The following DMD variants were observed in gnomAD, a reference collection of about 807,000 sequenced individuals.
DMD encodes dystrophin, also known as mutant dystrophin.
DMD carries 63 observed loss-of-function variants against 330.1 expected under a neutral mutation model. The ratio of observed to expected loss-of-function variants is 0.19; its 90% confidence interval spans 0.16 to 0.24. The LOEUF is 0.24. Among genes scored for constraint, DMD ranks in the 10% least tolerant of loss-of-function variants. The pLI, the probability that DMD is intolerant of heterozygous loss-of-function variation, is 1.00. For synonymous variants in DMD, 1,223 were observed against 959.8 expected (o/e 1.27, Z -5.07); for missense variants, 3,344 against 2,684.1 (o/e 1.25, Z -5.43).
At chrX:31,695,367 C>T (rs1487584875) in intron 52 of DMD, among the ~76,000 whole-genome samples, 1 of 110,142 alleles carries the variant, frequency 9.1e-6, no homozygotes, top group Non-Finnish European at 1.9e-5. Flanking sequence ...GATAGTGCAA[C>T]AGGGGGACTA....
intron 60 of DMD, among the ~76,000 whole-genome samples, chrX:31,380,083 G>A (rs2060087873): frequency 1.8e-5 from 2 of 110,550 alleles, no homozygotes; most frequent in Middle Eastern, 4.6e-3. Flanking sequence ...CAATACGGAG[G>A]CTACCCACTC....
chrX:31,309,611 T>C (rs951599372), intron 62 of DMD, among the ~76,000 whole-genome samples: 3 of 111,991 alleles, frequency 2.7e-5, no homozygotes, highest in Admixed American at 9.5e-5. Flanking sequence ...CAGATTCTTA[T>C]CTAGTACCAA....
At chrX:33,060,363 G>A (rs6631731) in intron 1 of DMD, among the ~76,000 whole-genome samples, 25,777 of 110,175 alleles carry the variant, frequency 0.23, 2,582 homozygotes, top group East Asian at 0.69. Flanking sequence ...GTGTTTTCTG[G>A]CTAAACTGAT....
chrX:32,713,408 G>A (rs962576627), intron 7 of DMD, among the ~76,000 whole-genome samples: 1 of 111,275 alleles, frequency 9.0e-6, no homozygotes, highest in Non-Finnish European at 1.9e-5. Context: ...GAGGGAAAGA[G>A]AAAGCTGGGG....
chrX:32,623,576 C>T (rs2058142824), intron 11 of DMD, among the ~76,000 whole-genome samples: 1 of 103,287 alleles, frequency 9.7e-6, no homozygotes, highest in Non-Finnish European at 2.0e-5. Context: ...TACCCAGGCT[C>T]GAGTACAGTG....
At chrX:31,649,555 T>C (rs1203968758) in intron 54 of DMD, among the ~76,000 whole-genome samples, 2 of 110,942 alleles carry the variant, frequency 1.8e-5, no homozygotes, top group Non-Finnish European at 3.8e-5. Context: ...ATAGATGTTA[T>C]ATTACCCTAC....
intron 55 of DMD, 86 bp from the exon 56 acceptor site, chrX:31,507,539 T>G (rs2071075080): frequency 2.3e-6 from 2 of 875,318 alleles, no homozygotes; most frequent in Non-Finnish European, 3.2e-6. Context: ...AATTGCAAAA[T>G]ATAAATAATT....
At chrX:32,095,198 C>T (rs1037201252) in intron 44 of DMD, among the ~76,000 whole-genome samples, 29 of 111,388 alleles carry the variant, frequency 2.6e-4, no homozygotes, top group African/African-American at 9.1e-4. Context: ...TTTGAATCAT[C>T]GTCCACTGCC....
intron 30 of DMD, among the ~76,000 whole-genome samples, chrX:32,398,544 T>C (rs1262044075): frequency 9.0e-6 from 1 of 111,175 alleles, no homozygotes; most frequent in Non-Finnish European, 1.9e-5. Flanking sequence ...AAGTAAAGCA[T>C]ATAAATTTTT....
intron 45 of DMD, among the ~76,000 whole-genome samples, chrX:31,963,100 G>C (rs1250612664): frequency 1.8e-5 from 2 of 111,890 alleles, no homozygotes. Flanking sequence ...GTCTTACAAG[G>C]AAGCGCATAG....
chrX:32,406,331 AG>A (rs763181354), intron 30 of DMD, among the ~76,000 whole-genome samples: 70 of 111,457 alleles, frequency 6.3e-4, no homozygotes, highest in African/African-American at 2.3e-3. Flanking sequence ...GTCTTGTGCC[AG>A]TTTTCAAAGG....
chrX:32,937,645 C>T (rs2090112144), intron 2 of DMD, among the ~76,000 whole-genome samples: 1 of 107,299 alleles, frequency 9.3e-6, no homozygotes, highest in Non-Finnish European at 1.9e-5. Flanking sequence ...GATGAGTAGA[C>T]GAATGGAGGT....
At chrX:31,802,950 G>C (rs190479594) in intron 50 of DMD, among the ~76,000 whole-genome samples, 72 of 111,806 alleles carry the variant, frequency 6.4e-4, no homozygotes, top group African/African-American at 2.3e-3. Context: ...GTGAGACAGA[G>C]GGGGAGGAAA....
At position 31,751,023 on chromosome X, in the gene DMD, C is replaced by T. The variant is rs745671677; in HGVS notation, c.7543-21275G>A. On this transcript the variant is annotated intron_variant, in intron 51 of 78. Transcript: ENST00000357033. Reference sequence around the variant, plus strand: ...GACACAAACAAATGGAAGAACATTCCGTGCTCATGGGTAGGAAGAATCAAT... The same window carrying T: ...GACACAAACAAATGGAAGAACATTCTGTGCTCATGGGTAGGAAGAATCAAT... Among the ~76,000 whole-genome samples, 39 of 109,003 alleles carry T rather than the reference C, an allele frequency of 3.6e-4. No homozygotes were observed. In the East Asian group the frequency reaches 9.3e-3, roughly 26 times the overall value. 94.7% of individuals were successfully genotyped at this position (109,003 alleles called of 115,157 possible). A position where few individuals can be genotyped will look rare whatever the true frequency, so the allele number is the denominator to read the frequency against.
chrX:32,603,483 G>A (rs2056403366), intron 12 of DMD, among the ~76,000 whole-genome samples: 1 of 110,431 alleles, frequency 9.1e-6, no homozygotes, highest in Non-Finnish European at 1.9e-5. Flanking sequence ...CGAAACCAAA[G>A]CTAGCAGAAT....
rs79761046 is a variant in DMD at position 31,678,937 on chromosome X, C to T, written c.7872+438G>A. ...TTTTCCTCTATTCTCTACCTTGACT[C>T]AAAAGTCTACTGGCTAGGCATGCTA... On this transcript the variant is annotated intron_variant, in intron 53 of 78. Transcript: ENST00000357033. Among the ~76,000 whole-genome samples, 19 of 112,309 alleles carry T rather than the reference C, an allele frequency of 1.7e-4. No individual in the cohort carries two copies. The East Asian group carries it at 5.3e-3, about 31-fold the overall frequency.
At chrX:31,137,250 A>G (rs2035364168) in intron 76 of DMD, among the ~76,000 whole-genome samples, 1 of 111,131 alleles carries the variant, frequency 9.0e-6, no homozygotes, top group African/African-American at 3.3e-5. Context: ...CAATCTCCTG[A>G]CCTCGTGATC....
chrX:32,721,746 C>A (rs1432579619), intron 7 of DMD, among the ~76,000 whole-genome samples: 1 of 110,863 alleles, frequency 9.0e-6, no homozygotes, highest in Non-Finnish European at 1.9e-5. Context: ...ATGTGATATT[C>A]AAAAAATCCT....
chrX:32,179,404 C>A (rs1168476075), intron 44 of DMD, among the ~76,000 whole-genome samples: 1 of 111,906 alleles, frequency 8.9e-6, no homozygotes, highest in Non-Finnish European at 1.9e-5. Flanking sequence ...TATAAATTAA[C>A]ATTCCACAGC....
Sources: gnomAD v4.1 joint callset for allele counts (sites outside exome capture counted in the v4.1 genomes callset) on GRCh38, gnomAD v4.1.1 for gene constraint, MANE v1.5 for transcripts, NCBI Gene and HGNC (gene_info 2026-07-23, HGNC 2026-07-21) for gene names.